Variants in BRINP3 observed in about 807,000 individuals in gnomAD.
BRINP3 encodes the protein BMP/retinoic acid-inducible neural-specific protein 3.
BRINP3 carries 19 observed loss-of-function variants against 71.0 expected under a neutral mutation model. That is an observed-to-expected ratio of 0.27 (90% CI 0.19 to 0.39). BRINP3 has a LOEUF of 0.39. Ranked by LOEUF, BRINP3 falls within the 10% of genes least tolerant of loss-of-function variation. The pLI is 1.00. For synonymous variants in BRINP3, 380 were observed against 337.7 expected (o/e 1.13, Z -1.37); for missense variants, 959 against 940.8 (o/e 1.02, Z -0.25).
chr1:190,346,591 T>C (rs954544635), intron 2 of BRINP3, among the ~76,000 whole-genome samples: 25 of 152,268 alleles, frequency 1.6e-4, no homozygotes, highest in Admixed American at 1.6e-3. Context: ...GCAATGAATC[T>C]GAGAAATCTA....
At chr1:190,111,151 C>T (rs993220554) in intron 7 of BRINP3, among the ~76,000 whole-genome samples, 3 of 126,498 alleles carry the variant, frequency 2.4e-5, no homozygotes, top group African/African-American at 9.2e-5. Context: ...GCACTCCAGC[C>T]GGGAGCCTGG....
At chr1:190,321,814 C>G (rs1039304917) in intron 2 of BRINP3, among the ~76,000 whole-genome samples, 4 of 151,930 alleles carry the variant, frequency 2.6e-5, no homozygotes, top group Non-Finnish European at 4.4e-5. Flanking sequence ...TTGGTTTTTA[C>G]CTTGTGGTAT....
At chr1:190,285,454 T>A (rs1663348472) in intron 2 of BRINP3, among the ~76,000 whole-genome samples, 1 of 152,026 alleles carries the variant, frequency 6.6e-6, no homozygotes, top group South Asian at 2.1e-4. Flanking sequence ...GTGAATGAAC[T>A]GAAAGTAAAT....
Position 190,281,737 on chromosome 1 carries a change from A to T in BRINP3, c.250T>A (p.Trp84Arg). The T allele has an allele frequency of 6.2e-7, 1 of 1,609,592 alleles. No homozygotes were observed. Among genetic ancestry groups the T allele is most frequent in the Non-Finnish European group, 8.5e-7 (1 of 1,178,348 alleles). The change falls in exon 3 of 8, where the codon TGG becomes AGG. Residue 84 changes from tryptophan (W) to arginine (R), a missense_variant. Physicochemically the swap from Trp to Arg is moderately radical, Grantham distance 101 (BLOSUM62 -3). Coordinates refer to ENST00000367462, the MANE Select transcript of BRINP3 (RefSeq NM_199051.3). ...RYKIYREFGRWKVNNLAVERR... is the reference protein window; with the variant it reads ...RYKIYREFGRRKVNNLAVERR... ...TCAACTGCAAGGTTATTTACTTTCC[A>T]GCGGCCAAACTCCCTGAAAAGCAAA...
intron 2 of BRINP3, among the ~76,000 whole-genome samples, chr1:190,363,131 A>G (rs957265097): frequency 2.6e-4 from 39 of 152,282 alleles, no homozygotes; most frequent in Middle Eastern, 3.4e-3. Flanking sequence ...GAGAGGGCCT[A>G]TTGGGATAGT....
At chr1:190,464,843 C>A (rs192395219) in intron 1 of BRINP3, among the ~76,000 whole-genome samples, 17 of 151,982 alleles carry the variant, frequency 1.1e-4, no homozygotes, top group Admixed American at 5.9e-4. Context: ...GAAAATTATT[C>A]TTCTTGTTTA....
In BRINP3 at chr1:190,104,651, T is replaced by C. The variant is rs1651986612; in HGVS notation, c.1185-5517A>G. Reference sequence around the variant, plus strand: ...TCAAGACTATATTGAAATATACTTGTATGACTTCTTTGTGATCCTTTTGAA... The same window carrying C: ...TCAAGACTATATTGAAATATACTTGCATGACTTCTTTGTGATCCTTTTGAA... On this transcript the variant is annotated intron_variant, in intron 7 of 7. Coordinates refer to ENST00000367462, the MANE Select transcript of BRINP3 (RefSeq NM_199051.3). 1.3e-5 allele frequency among the ~76,000 whole-genome samples: 2 copies of C among 152,078 alleles called. 1 individual carries two copies. The highest frequency in any genetic ancestry group is 4.1e-4 in the South Asian group (2 of 4,834).
chr1:190,167,452 T>C (rs972984145), intron 6 of BRINP3, among the ~76,000 whole-genome samples: 6 of 152,068 alleles, frequency 3.9e-5, no homozygotes, highest in African/African-American at 7.2e-5. Flanking sequence ...CATGAAAAAT[T>C]CAAAGACTGT....
chr1:190,403,555 C>T (rs774760621), intron 2 of BRINP3, among the ~76,000 whole-genome samples: 2 of 152,146 alleles, frequency 1.3e-5, no homozygotes, highest in African/African-American at 4.8e-5. Context: ...ATCTTCACTA[C>T]GTAGCACAGA....
chr1:190,117,126 G>A (rs906528635), intron 7 of BRINP3, among the ~76,000 whole-genome samples: 2 of 151,976 alleles, frequency 1.3e-5, no homozygotes, highest in African/African-American at 4.8e-5. Context: ...ATTGTTTCTT[G>A]TTAGAGAGAA....
intron 2 of BRINP3, among the ~76,000 whole-genome samples, chr1:190,305,889 T>C (rs1244747733): frequency 6.6e-6 from 1 of 151,856 alleles, no homozygotes; most frequent in East Asian, 1.9e-4. Flanking sequence ...ATATCAAACA[T>C]AATATTGTAT....
intron 7 of BRINP3, among the ~76,000 whole-genome samples, chr1:190,138,116 G>T (rs928613514): frequency 6.6e-6 from 1 of 151,996 alleles, no homozygotes; most frequent in Non-Finnish European, 1.5e-5. Context: ...CAGCACGCCT[G>T]GCTAATTTTG....
chr1:190,466,212 A>G (rs1039587935), intron 1 of BRINP3, among the ~76,000 whole-genome samples: 1 of 151,684 alleles, frequency 6.6e-6, no homozygotes, highest in African/African-American at 2.4e-5. Context: ...AAAGATATTC[A>G]TACTGCTCTA....
chr1:190,423,431 A>C (rs2102469759), intron 2 of BRINP3, among the ~76,000 whole-genome samples: 1 of 151,924 alleles, frequency 6.6e-6, no homozygotes, highest in East Asian at 1.9e-4. Flanking sequence ...GTCAGTGAGA[A>C]AGTATTAAAT....
chr1:190,294,093 T>C (rs1664070323), intron 2 of BRINP3, among the ~76,000 whole-genome samples: 1 of 152,122 alleles, frequency 6.6e-6, no homozygotes, highest in Non-Finnish European at 1.5e-5. Context: ...AGCTCCTCTC[T>C]TCCTCTCTTC....
At chr1:190,322,282 T>C (rs1666296443) in intron 2 of BRINP3, among the ~76,000 whole-genome samples, 2 of 152,158 alleles carry the variant, frequency 1.3e-5, no homozygotes, top group Non-Finnish European at 1.5e-5. Context: ...GATAGGTTTG[T>C]GCATCTGAGA....
chr1:190,300,763 A>G lies in BRINP3; in HGVS notation c.237-19013T>C, dbSNP rs958748359. ...AACCAGCAGAAAGGACATCCACACCAAAAACCCATCTGTACTTCACCATCA... is the reference window on the plus strand; with the variant it reads ...AACCAGCAGAAAGGACATCCACACCGAAAACCCATCTGTACTTCACCATCA... On this transcript the variant is annotated intron_variant, in intron 2 of 7. Coordinates refer to ENST00000367462, the MANE Select transcript of BRINP3 (RefSeq NM_199051.3). Among the ~76,000 whole-genome samples, 14 of 152,236 alleles carry G rather than the reference A, an allele frequency of 9.2e-5. No individual in the cohort carries two copies. In the East Asian group the frequency reaches 2.3e-3, roughly 25 times the overall value.
At chr1:190,171,208 A>G (rs1651980542) in intron 6 of BRINP3, among the ~76,000 whole-genome samples, 1 of 152,102 alleles carries the variant, frequency 6.6e-6, no homozygotes, top group African/African-American at 2.4e-5. Context: ...TCTTTATTGG[A>G]CATAAAGAAA....
At chr1:190,239,500 G>A (rs767130472) in intron 4 of BRINP3, among the ~76,000 whole-genome samples, 27 of 151,994 alleles carry the variant, frequency 1.8e-4, no homozygotes, top group Admixed American at 6.6e-5. Context: ...TTACCCTTTC[G>A]ATATAGAAAT....
Sources: allele counts gnomAD v4.1 joint callset (sites outside exome capture counted in the v4.1 genomes callset), GRCh38; gene constraint gnomAD v4.1.1; transcripts MANE v1.5; gene names NCBI Gene and HGNC (gene_info 2026-07-23, HGNC 2026-07-21).